The following JAKMIP3 variants were observed in gnomAD, a reference collection of about 807,000 sequenced individuals.
JAKMIP3 encodes janus kinase and microtubule-interacting protein 3.
Under a neutral mutation model 118.5 loss-of-function variants are expected in JAKMIP3, and 58 were observed. That is an observed-to-expected ratio of 0.49 (90% CI 0.40 to 0.61). The LOEUF is 0.61. Ranked by LOEUF, JAKMIP3 falls within the 20% of genes least tolerant of loss-of-function variation. JAKMIP3 has a pLI of 0.00. For missense variants in JAKMIP3, 950 were observed against 1,109.0 expected (o/e 0.86, Z 2.04); for synonymous variants, 486 against 451.2 (o/e 1.08, Z -0.98).
intron 1 of JAKMIP3, among the ~76,000 whole-genome samples, chr10:132,054,864 C>T (rs957699949): frequency 6.6e-6 from 1 of 152,074 alleles, no homozygotes; most frequent in African/African-American, 2.4e-5. Context: ...TGGGGAGAGT[C>T]CTGCACTCCT....
Position 132,136,169 on chromosome 10 carries a change from C to T in JAKMIP3, c.1116+93C>T, listed in dbSNP as rs138176014. ...TCCACGCAAGATTTAGCATGACAGC[C>T]GGTCCCGGGCGGGTGGCCAGGCCTT... On this transcript the variant is annotated intron_variant, in intron 6 of 23. Coordinates refer to ENST00000684848, the MANE Select transcript of JAKMIP3 (RefSeq NM_001323087.2). The T allele has an allele frequency of 4.5e-3, 6,143 of 1,371,050 alleles. 23 individuals are homozygous for T. The highest frequency in any genetic ancestry group is 5.3e-3 in the Admixed American group (250 of 47,536). The allele number at this position is 1,371,050 out of a possible 1,614,324, so 84.9% of individuals were successfully genotyped here. A position where few individuals can be genotyped will look rare whatever the true frequency, so the allele number is the denominator to read the frequency against.
intron 3 of JAKMIP3, among the ~76,000 whole-genome samples, chr10:132,130,384 C>T (rs1350561409): frequency 2.6e-5 from 4 of 152,218 alleles, no homozygotes; most frequent in African/African-American, 4.8e-5. Context: ...CTAGCACATC[C>T]GCTGGGAGCA....
At chr10:132,159,860 G>A (rs1208754262) in intron 19 of JAKMIP3, among the ~76,000 whole-genome samples, 2 of 76,248 alleles carry the variant, frequency 2.6e-5, no homozygotes, top group Admixed American at 1.5e-4. Flanking sequence ...GCCTCTCCCT[G>A]TGTGATGCTG....
chr10:132,074,968 G>T (rs897460758), intron 1 of JAKMIP3, among the ~76,000 whole-genome samples: 1 of 152,252 alleles, frequency 6.6e-6, no homozygotes, highest in Non-Finnish European at 1.5e-5. Context: ...TGTTGACTTT[G>T]TTGAAGATCA....
chr10:132,145,371 GC>G, intron 12 of JAKMIP3, 146 bp from the exon 13 acceptor site: 1 of 916,750 alleles, frequency 1.1e-6, no homozygotes. Context: ...GTGCCACCAC[GC>G]CCGGCTAATT....
chr10:132,178,653 G>A (rs1446881070), intron 23 of JAKMIP3, among the ~76,000 whole-genome samples: 3 of 152,262 alleles, frequency 2.0e-5, no homozygotes, highest in East Asian at 1.9e-4. Context: ...CCTCCCAAGC[G>A]GCTCACCCTG....
intron 23 of JAKMIP3, among the ~76,000 whole-genome samples, chr10:132,177,600 T>C (rs2060275341): frequency 6.8e-6 from 1 of 146,434 alleles, no homozygotes. Context: ...TGCATGTCTG[T>C]GCACACTGTG....
chr10:132,130,950 G>A (rs1429227712), intron 3 of JAKMIP3, among the ~76,000 whole-genome samples: 1 of 151,160 alleles, frequency 6.6e-6, no homozygotes, highest in South Asian at 2.1e-4. Context: ...GCTGCATGTC[G>A]GGGCCCCATG....
intron 3 of JAKMIP3, among the ~76,000 whole-genome samples, chr10:132,122,187 C>T (rs551452055): frequency 1.1e-4 from 17 of 152,188 alleles, no homozygotes; most frequent in African/African-American, 3.6e-4. Flanking sequence ...CCCCCCTGGT[C>T]GGCTCCCCGG....
chr10:132,114,807 T>C (rs1379797083), intron 2 of JAKMIP3, among the ~76,000 whole-genome samples: 1 of 152,168 alleles, frequency 6.6e-6, no homozygotes, highest in Non-Finnish European at 1.5e-5. Flanking sequence ...AGCACCGAGG[T>C]CTTGGGCGTG....
chr10:132,086,484 GCTGT>G (rs913447240), intron 1 of JAKMIP3, among the ~76,000 whole-genome samples: 7 of 152,050 alleles, frequency 4.6e-5, no homozygotes, highest in South Asian at 2.1e-4. Context: ...TTATTGTGTT[GCTGT>G]CTATTTCTTT....
At chr10:132,047,886 C>G (rs1040120086) in intron 1 of JAKMIP3, among the ~76,000 whole-genome samples, 2 of 152,160 alleles carry the variant, frequency 1.3e-5, no homozygotes, top group African/African-American at 4.8e-5. Context: ...GCCCCGCCCC[C>G]CGCGAGCTGA....
chr10:132,154,840 G>GTTA (rs2056815040), intron 19 of JAKMIP3, among the ~76,000 whole-genome samples: 1 of 142,304 alleles, frequency 7.0e-6, no homozygotes, highest in South Asian at 2.5e-4. Context: ...TGGTGATGGT[G>GTTA]GTGGCGGTGG....
chr10:132,166,952 C>T, intron 21 of JAKMIP3, 31 bp from the exon 22 acceptor site: 2 of 1,441,610 alleles, frequency 1.4e-6, no homozygotes, highest in South Asian at 1.2e-5. Flanking sequence ...TTCTTTCCTT[C>T]CGTTTCTCCA....
At chr10:132,046,889 C>T (rs970835688) in intron 1 of JAKMIP3, among the ~76,000 whole-genome samples, 2 of 152,038 alleles carry the variant, frequency 1.3e-5, no homozygotes, top group Admixed American at 6.6e-5. Flanking sequence ...GCAGTTACAA[C>T]TGGATTTTTT....
At chr10:132,127,951 G>A (rs2049943939) in intron 3 of JAKMIP3, among the ~76,000 whole-genome samples, 1 of 152,088 alleles carries the variant, frequency 6.6e-6, no homozygotes, top group Non-Finnish European at 1.5e-5. Flanking sequence ...ATTTTACTTT[G>A]ACACATATCA....
intron 23 of JAKMIP3, among the ~76,000 whole-genome samples, chr10:132,180,442 A>T (rs1210036693): frequency 2.9e-5 from 4 of 136,042 alleles, no homozygotes; most frequent in Admixed American, 2.2e-4. Flanking sequence ...TGGGAGGGAG[A>T]AGATCACGTT....
At chr10:132,150,725 C>CGTCT (rs2055976009) in intron 16 of JAKMIP3, among the ~76,000 whole-genome samples, 1 of 152,104 alleles carries the variant, frequency 6.6e-6, no homozygotes, top group Non-Finnish European at 1.5e-5. Context: ...CTCCATAATC[C>CGTCT]ATCTATCCGT....
chr10:132,099,348 T>TCAA (rs1354579421), intron 1 of JAKMIP3, among the ~76,000 whole-genome samples: 3 of 152,098 alleles, frequency 2.0e-5, no homozygotes, highest in Non-Finnish European at 2.9e-5. Flanking sequence ...TTACCAGAGG[T>TCAA]CAACCCAAAG....
Sources: allele counts gnomAD v4.1 joint callset (sites outside exome capture counted in the v4.1 genomes callset), GRCh38; gene constraint gnomAD v4.1.1; transcripts MANE v1.5; gene names NCBI Gene and HGNC (gene_info 2026-07-23, HGNC 2026-07-21).